DNER: variants seen among roughly 807,000 people sequenced by gnomAD.
DNER encodes delta and Notch-like epidermal growth factor-related receptor.
DNER carries 33 observed loss-of-function variants against 78.2 expected under a neutral mutation model. The ratio of observed to expected loss-of-function variants is 0.42; its 90% CI spans 0.32 to 0.56. DNER has a LOEUF of 0.56. DNER is among the 20% of genes least tolerant of loss of function. The pLI is 0.11. For synonymous variants in DNER, 417 were observed against 384.8 expected (o/e 1.08, Z -0.98); for missense variants, 918 against 975.3 (o/e 0.94, Z 0.78).
At chr2:229,690,803 G>A (rs1699559136) in intron 1 of DNER, among the ~76,000 whole-genome samples, 1 of 152,186 alleles carries the variant, frequency 6.6e-6, no homozygotes, top group South Asian at 2.1e-4. Context: ...GAAAAACAGA[G>A]CAGAGTAATG....
intron 1 of DNER, among the ~76,000 whole-genome samples, chr2:229,652,037 C>A (rs1284924276): frequency 6.6e-6 from 1 of 152,106 alleles, no homozygotes; most frequent in African/African-American, 2.4e-5. Flanking sequence ...CTGGTCATTA[C>A]TGTAGCATTT....
At chr2:229,674,046 C>CA (rs1450355951) in intron 1 of DNER, among the ~76,000 whole-genome samples, 1 of 152,238 alleles carries the variant, frequency 6.6e-6, no homozygotes, top group African/African-American at 2.4e-5. Context: ...TCCTTGAACA[C>CA]AACCCCTATT....
chr2:229,406,813 C>G (rs1362280140), intron 10 of DNER, among the ~76,000 whole-genome samples: 1 of 117,648 alleles, frequency 8.5e-6, no homozygotes, highest in Non-Finnish European at 1.9e-5. Context: ...ATCCCACTCT[C>G]CCTTGACACT....
chr2:229,424,880 C>T (rs1433581283), intron 8 of DNER, among the ~76,000 whole-genome samples: 1 of 152,128 alleles, frequency 6.6e-6, no homozygotes, highest in Non-Finnish European at 1.5e-5. Context: ...GACCTCTACA[C>T]AATAGATTCC....
intron 7 of DNER, among the ~76,000 whole-genome samples, chr2:229,452,854 C>A (rs1023237404): frequency 6.6e-6 from 1 of 152,178 alleles, no homozygotes; most frequent in African/African-American, 2.4e-5. Context: ...TCTTGAACTC[C>A]TGACCTCAAG....
intron 4 of DNER, among the ~76,000 whole-genome samples, chr2:229,573,066 C>T (rs376955342): frequency 2.6e-5 from 4 of 152,262 alleles, no homozygotes; most frequent in South Asian, 2.1e-4. Context: ...GAGCAGATGA[C>T]GTGATCCCTG....
chr2:229,433,569 T>C (rs1006287745), intron 8 of DNER, among the ~76,000 whole-genome samples: 9 of 152,208 alleles, frequency 5.9e-5, no homozygotes, highest in Admixed American at 1.3e-4. Flanking sequence ...GAGTCACACA[T>C]GCCTAAGCGG....
intron 6 of DNER, among the ~76,000 whole-genome samples, chr2:229,510,061 G>A (rs369868476): frequency 6.6e-6 from 1 of 152,160 alleles, no homozygotes; most frequent in South Asian, 2.1e-4. Context: ...AGACAGGGAG[G>A]AAGTATTGTC....
chr2:229,640,144 G>C (rs1210120805), intron 1 of DNER, among the ~76,000 whole-genome samples: 2 of 152,156 alleles, frequency 1.3e-5, no homozygotes, highest in Non-Finnish European at 2.9e-5. Context: ...TAATTTAAAG[G>C]GTTACAAGAC....
chr2:229,566,894 T>C (rs1238463408), intron 4 of DNER, among the ~76,000 whole-genome samples: 1 of 152,184 alleles, frequency 6.6e-6, no homozygotes, highest in African/African-American at 2.4e-5. Context: ...CCAGGATAAA[T>C]GTGTTTTTCA....
chr2:229,565,691 A>G (rs1697092465), intron 4 of DNER, among the ~76,000 whole-genome samples: 1 of 152,196 alleles, frequency 6.6e-6, no homozygotes, highest in South Asian at 2.1e-4. Flanking sequence ...ATTAGCAAAA[A>G]TATTTTCTTA....
chr2:229,479,797 G>A (rs1695117446), intron 6 of DNER, among the ~76,000 whole-genome samples: 1 of 151,862 alleles, frequency 6.6e-6, no homozygotes. Context: ...TTATGCTTAG[G>A]CTGGAGGTGC....
intron 4 of DNER, among the ~76,000 whole-genome samples, chr2:229,583,861 G>T (rs1184329330): frequency 6.6e-6 from 1 of 152,172 alleles, no homozygotes; most frequent in African/African-American, 2.4e-5. Flanking sequence ...TCAAACACCA[G>T]TCTGAAGTGA....
At chr2:229,710,067 G>T (rs1279696533) in intron 1 of DNER, among the ~76,000 whole-genome samples, 1 of 152,058 alleles carries the variant, frequency 6.6e-6, no homozygotes, top group Non-Finnish European at 1.5e-5. Context: ...GTGTCCATTT[G>T]CTTGCCATCA....
chr2:229,459,346 A>C (rs1037861444), intron 7 of DNER, among the ~76,000 whole-genome samples: 1 of 152,148 alleles, frequency 6.6e-6, no homozygotes, highest in South Asian at 2.1e-4. Flanking sequence ...AAAAATGGAA[A>C]TAATAGAATA....
chr2:229,500,975 G>T (rs1293042060), intron 6 of DNER, among the ~76,000 whole-genome samples: 2 of 152,080 alleles, frequency 1.3e-5, no homozygotes, highest in Non-Finnish European at 2.9e-5. Flanking sequence ...AGAAAATTGT[G>T]TCATCTACAA....
At chr2:229,443,130 A>G (rs1694270688) in intron 8 of DNER, among the ~76,000 whole-genome samples, 1 of 152,184 alleles carries the variant, frequency 6.6e-6, no homozygotes, top group South Asian at 2.1e-4. Flanking sequence ...CCACGTAAAA[A>G]TCTCCAATGC....
intron 5 of DNER, among the ~76,000 whole-genome samples, chr2:229,524,239 A>G (rs775430060): frequency 1.3e-4 from 20 of 152,204 alleles, no homozygotes; most frequent in Non-Finnish European, 2.5e-4. Flanking sequence ...GCTTGCTGAG[A>G]TCTTGTTCCT....
intron 4 of DNER, among the ~76,000 whole-genome samples, chr2:229,575,188 G>GA (rs1281151912): frequency 2.0e-5 from 3 of 151,980 alleles, no homozygotes; most frequent in African/African-American, 4.8e-5. Flanking sequence ...TGGGGAGAGA[G>GA]AGAAAATGAG....
Sources: allele counts gnomAD v4.1 joint callset (sites outside exome capture counted in the v4.1 genomes callset), GRCh38; gene constraint gnomAD v4.1.1; transcripts MANE v1.5; gene names NCBI Gene and HGNC (gene_info 2026-07-23, HGNC 2026-07-21).